RUNDC3B: variants seen among roughly 807,000 people sequenced by gnomAD.
The protein encoded by RUNDC3B is RUN domain-containing protein 3B.
In RUNDC3B, 33 loss-of-function variants were observed where a neutral mutation model predicts 58.4. The ratio of observed to expected loss-of-function variants is 0.56; its 90% CI spans 0.43 to 0.75. RUNDC3B has a LOEUF of 0.75. Ranked by LOEUF, RUNDC3B falls within the 30% of genes least tolerant of loss-of-function variation. The pLI, the probability that RUNDC3B is intolerant of heterozygous loss-of-function variation, is 0.00. For missense variants in RUNDC3B, 501 were observed against 535.7 expected, an observed-to-expected ratio of 0.94 and a Z score of 0.64; for synonymous variants, 193 against 195.2, an observed-to-expected ratio of 0.99 and a Z score of 0.10.
intron 6 of RUNDC3B, among the ~76,000 whole-genome samples, chr7:87,751,602 TG>T (rs1351962148): frequency 6.6e-6 from 1 of 152,152 alleles, no homozygotes; most frequent in Non-Finnish European, 1.5e-5. Flanking sequence ...TCACATCCCT[TG>T]TAAGTTGGAT....
chr7:87,697,977 A>T (rs918922215), intron 2 of RUNDC3B, among the ~76,000 whole-genome samples: 1 of 152,244 alleles, frequency 6.6e-6, no homozygotes, highest in African/African-American at 2.4e-5. Context: ...ATATTGAGGC[A>T]TTATATCAGG....
intron 1 of RUNDC3B, among the ~76,000 whole-genome samples, chr7:87,637,519 T>C (rs1484443726): frequency 1.3e-5 from 2 of 152,208 alleles, no homozygotes; most frequent in Non-Finnish European, 2.9e-5. Flanking sequence ...CTGCCATCTT[T>C]ATGATATTAA....
intron 2 of RUNDC3B, among the ~76,000 whole-genome samples, chr7:87,673,777 A>G (rs970560194): frequency 6.6e-6 from 1 of 152,198 alleles, no homozygotes; most frequent in Non-Finnish European, 1.5e-5. Context: ...GGAGGTAATA[A>G]GACACTCTGG....
intron 4 of RUNDC3B, among the ~76,000 whole-genome samples, chr7:87,727,979 A>G (rs1296387427): frequency 2.0e-5 from 3 of 152,298 alleles, no homozygotes; most frequent in Non-Finnish European, 4.4e-5. Flanking sequence ...AGCAAAGGAA[A>G]AAGTATAGCA....
intron 6 of RUNDC3B, among the ~76,000 whole-genome samples, chr7:87,746,149 A>T (rs983863333): frequency 1.3e-5 from 2 of 152,046 alleles, no homozygotes; most frequent in Non-Finnish European, 2.9e-5. Context: ...TTTTATTCCA[A>T]TGTAGTCTGA....
intron 7 of RUNDC3B, among the ~76,000 whole-genome samples, chr7:87,773,433 A>G (rs773333717): frequency 1.3e-5 from 2 of 152,104 alleles, no homozygotes; most frequent in Non-Finnish European, 2.9e-5. Context: ...AATTAATTAA[A>G]TGTCCAGAAT....
intron 9 of RUNDC3B, 40 bp downstream of exon 9, chr7:87,807,559 G>T (rs1836503486): frequency 6.8e-7 from 1 of 1,469,494 alleles, no homozygotes; most frequent in Non-Finnish European, 9.5e-7. Context: ...TTAATAGTTA[G>T]TTGTACCAAA....
chr7:87,721,514 A>G (rs184276805), intron 4 of RUNDC3B, among the ~76,000 whole-genome samples: 1 of 152,324 alleles, frequency 6.6e-6, no homozygotes, highest in Non-Finnish European at 1.5e-5. Context: ...ATTCAAATAA[A>G]TAATATGATC....
At chr7:87,693,385 T>A (rs115281635) in intron 2 of RUNDC3B, among the ~76,000 whole-genome samples, 1,651 of 152,246 alleles carry the variant, frequency 0.011, 27 homozygotes, top group African/African-American at 0.036. Flanking sequence ...AGGCAAAAAA[T>A]GAATGGCTAC....
chr7:87,755,735 C>A (rs1563188028), intron 6 of RUNDC3B, among the ~76,000 whole-genome samples: 1 of 152,124 alleles, frequency 6.6e-6, no homozygotes, highest in Non-Finnish European at 1.5e-5. Context: ...ATAATAAGAG[C>A]CATCTATGAC....
intron 10 of RUNDC3B, among the ~76,000 whole-genome samples, chr7:87,820,433 A>C (rs1837353211): frequency 6.6e-6 from 1 of 152,338 alleles, no homozygotes; most frequent in East Asian, 1.9e-4. Context: ...GACCAGATGG[A>C]TTCACAGCTG....
At chr7:87,725,584 A>C (rs574910264) in intron 4 of RUNDC3B, among the ~76,000 whole-genome samples, 1 of 152,204 alleles carries the variant, frequency 6.6e-6, no homozygotes. Flanking sequence ...AGCATGATTT[A>C]TAATCCTTTG....
chr7:87,684,515 G>A (rs1827244438), intron 2 of RUNDC3B, among the ~76,000 whole-genome samples: 5 of 152,062 alleles, frequency 3.3e-5, no homozygotes, highest in Admixed American at 6.5e-5. Context: ...TTGGGAGGCC[G>A]AGGCAGGCGG....
At chr7:87,741,384 A>G in intron 5 of RUNDC3B, 115 bp from the exon 6 acceptor site, 1 of 566,962 alleles carries the variant, frequency 1.8e-6, no homozygotes, top group Non-Finnish European at 3.0e-6. Flanking sequence ...CAAACAAAAA[A>G]ATTCGCTTGC....
intron 6 of RUNDC3B, among the ~76,000 whole-genome samples, chr7:87,748,367 CTCCTTCAG>C (rs1832770089): frequency 6.6e-6 from 1 of 152,160 alleles, no homozygotes; most frequent in Non-Finnish European, 1.5e-5. Context: ...GAGCAGTCCA[CTCCTTCAG>C]AGGGTCTGTG....
chr7:87,751,037 C>A (rs1221088007), intron 6 of RUNDC3B, among the ~76,000 whole-genome samples: 12 of 152,132 alleles, frequency 7.9e-5, no homozygotes, highest in Admixed American at 2.6e-4. Flanking sequence ...TCTTTAATCC[C>A]TCTTCAATTG....
intron 4 of RUNDC3B, among the ~76,000 whole-genome samples, chr7:87,727,795 C>T (rs1379743732): frequency 6.6e-6 from 1 of 152,060 alleles, no homozygotes; most frequent in Non-Finnish European, 1.5e-5. Flanking sequence ...ATGAGTATGA[C>T]ACATGAGCTC....
intron 8 of RUNDC3B, among the ~76,000 whole-genome samples, chr7:87,787,554 A>G (rs1389690608): frequency 1.3e-5 from 2 of 152,186 alleles, no homozygotes; most frequent in African/African-American, 4.8e-5. Context: ...GAATACTCAT[A>G]AAATATATAC....
chr7:87,683,142 C>A (rs185315681), intron 2 of RUNDC3B, among the ~76,000 whole-genome samples: 1 of 152,246 alleles, frequency 6.6e-6, no homozygotes, highest in East Asian at 1.9e-4. Context: ...TCTTCTGCGG[C>A]GTCTTTGCCT....
Sources: allele counts gnomAD v4.1 joint callset (sites outside exome capture counted in the v4.1 genomes callset), GRCh38; gene constraint gnomAD v4.1.1; transcripts MANE v1.5; gene names NCBI Gene and HGNC (gene_info 2026-07-23, HGNC 2026-07-21).